Variants in HECW1 observed in about 807,000 individuals in gnomAD.
HECW1 encodes HECT, C2 and WW domain containing E3 ubiquitin protein ligase 1, also known as E3 ubiquitin-protein ligase HECW1.
Under a neutral mutation model 182.3 loss-of-function variants are expected in HECW1, and 61 were observed. The observed-to-expected ratio is 0.33, with a 90% CI of 0.27 to 0.41. HECW1 has a LOEUF of 0.41. Ranked by LOEUF, HECW1 falls within the 10% of genes least tolerant of loss-of-function variation. The pLI is 1.00. For missense variants in HECW1, 1,739 were observed against 2,108.9 expected, an observed-to-expected ratio of 0.82 and a Z score of 3.44; for synonymous variants, 859 against 832.6, an observed-to-expected ratio of 1.03 and a Z score of -0.55.
chr7:43,176,178 A>G (rs1218530178), intron 2 of HECW1, among the ~76,000 whole-genome samples: 2 of 152,218 alleles, frequency 1.3e-5, no homozygotes, highest in African/African-American at 4.8e-5. Flanking sequence ...CCTGGATTCA[A>G]TTCTGGAGTC....
chr7:43,461,014 G>A (rs2077564305), intron 13 of HECW1, among the ~76,000 whole-genome samples: 1 of 152,220 alleles, frequency 6.6e-6, no homozygotes, highest in Admixed American at 6.5e-5. Flanking sequence ...TATTGGGAAG[G>A]AAAGGAGAGG....
chr7:43,288,986 T>G (rs956515139), intron 3 of HECW1, among the ~76,000 whole-genome samples: 2 of 152,240 alleles, frequency 1.3e-5, no homozygotes, highest in Non-Finnish European at 2.9e-5. Flanking sequence ...GGCAGGGCCT[T>G]TTGTCTCTTT....
In HECW1 at chr7:43,552,333, G is replaced by A; in HGVS notation, c.4507G>A (p.Gly1503Arg). The change falls in exon 28 of 30, where the codon GGA becomes AGA. Residue 1503 changes from glycine to arginine, a missense_variant. Gly to Arg is a moderately radical substitution (Grantham distance 125, BLOSUM62 -2). Transcript: ENST00000395891. The stretch of plus-strand genomic sequence containing the variant: ...CTGGCGGAATAACACTGAGTACCGG[G>A]GAGGTGAGTGGGCAGGAGCTGTAAT... ...NDWRNNTEYR[G>R]GYHDGHLVIR... The A allele has an allele frequency of 6.3e-7, 1 of 1,580,390 alleles. No homozygotes were observed.
Position 43,396,870 on chromosome 7 carries a change from G to C in HECW1, c.612G>C (p.Leu204=), listed in dbSNP as rs375753925. 5 of 1,612,560 alleles carry C rather than the reference G, an allele frequency of 3.1e-6. No homozygotes were observed. The African/African-American group carries it at 6.7e-5, about 22-fold the overall frequency. Residue 204 remains leucine (L), a synonymous_variant, in exon 7 of 30, where the codon CTG becomes CTC. Coordinates refer to ENST00000395891, the MANE Select transcript of HECW1 (RefSeq NM_015052.5). ...TCCAAGGACAAGGAAGTCGGAGGCT[G>C]ATCAGCTTCTCTCTCTCAGGTATGT... The part of the protein sequence containing the change: ...ETVQGQGSRR[L]ISFSLSDFQA...
At chr7:43,543,207 C>T (rs1225457410) in intron 26 of HECW1, among the ~76,000 whole-genome samples, 2 of 152,154 alleles carry the variant, frequency 1.3e-5, no homozygotes, top group African/African-American at 4.8e-5. Flanking sequence ...TAAGGTAATT[C>T]GTAACAGCGG....
chr7:43,538,289 C>T (rs1282303254), intron 24 of HECW1, among the ~76,000 whole-genome samples: 1 of 152,164 alleles, frequency 6.6e-6, no homozygotes, highest in Non-Finnish European at 1.5e-5. Context: ...ACTCATGTCC[C>T]TGGAGTTCCT....
In HECW1 at chr7:43,492,170, A is replaced by G. The variant is rs763694427; in HGVS notation, c.3330A>G (p.Ser1110=). The change falls in exon 18 of 30, where the codon TCA becomes TCG. Residue 1110 remains serine (S), a synonymous_variant. Coordinates refer to ENST00000395891, the MANE Select transcript of HECW1 (RefSeq NM_015052.5). ...TTCGAAGCCAACATCAACATGAGTC[A>G]TTGCCACTGGGTATGTATCATGCTT... ...AAIRSQHQHE[S]LPLAYNDKIV... The G allele has an allele frequency of 8.7e-6, 14 of 1,600,374 alleles. No homozygotes were observed. In the South Asian group the frequency reaches 1.6e-4, roughly 18 times the overall value.
intron 24 of HECW1, among the ~76,000 whole-genome samples, chr7:43,538,203 G>C (rs2081246685): frequency 6.6e-6 from 1 of 152,192 alleles, no homozygotes; most frequent in Non-Finnish European, 1.5e-5. Flanking sequence ...TAAACCACAG[G>C]AGGTGTTGGC....
At chr7:43,455,490 A>T (rs1362949460) in intron 12 of HECW1, among the ~76,000 whole-genome samples, 2 of 152,198 alleles carry the variant, frequency 1.3e-5, no homozygotes, top group Non-Finnish European at 2.9e-5. Flanking sequence ...CTCTCCACTG[A>T]ACCTAATCGC....
intron 5 of HECW1, among the ~76,000 whole-genome samples, chr7:43,359,785 TATCTC>T: frequency 6.6e-6 from 1 of 152,342 alleles, no homozygotes; most frequent in East Asian, 1.9e-4. Context: ...TGAGAAAAAA[TATCTC>T]AAATTGGAGA....
intron 2 of HECW1, among the ~76,000 whole-genome samples, chr7:43,194,733 G>T (rs60582473): frequency 6.7e-6 from 1 of 149,362 alleles, no homozygotes; most frequent in South Asian, 2.1e-4. Context: ...TCACTCTGTC[G>T]CCCAGGCTGG....
intron 17 of HECW1, among the ~76,000 whole-genome samples, chr7:43,488,518 AAAAG>A (rs561903773): frequency 1.9e-3 from 289 of 151,764 alleles, no homozygotes; most frequent in Non-Finnish European, 3.6e-3. Flanking sequence ...AAAAGAAAGA[AAAAG>A]AAAGAAAGCC....
intron 8 of HECW1, among the ~76,000 whole-genome samples, chr7:43,416,315 G>C (rs1486447751): frequency 2.0e-5 from 3 of 151,342 alleles, no homozygotes; most frequent in East Asian, 1.9e-4. Flanking sequence ...GCCCCTGCTG[G>C]GGGGTGCCTC....
rs767043806 is a variant in HECW1 at position 43,407,689 on chromosome 7, C to T, written c.759C>T (p.Ser253=). Residue 253 remains serine, a synonymous_variant, in exon 8 of 30, where the codon TCC becomes TCT. Coordinates refer to ENST00000395891, the MANE Select transcript of HECW1 (RefSeq NM_015052.5). ...ALPHHGQERR[S]KIIGNTVNPI... is the part of the protein sequence containing the mutation. ...CTCACCATGGACAGGAGAGGAGATCCAAGATCATAGGCAACACCGTGAACC... is the reference window on the plus strand; with the variant it reads ...CTCACCATGGACAGGAGAGGAGATCTAAGATCATAGGCAACACCGTGAACC... 1.2e-6 allele frequency: 2 copies of T among 1,613,960 alleles called. No homozygotes were observed. The highest frequency in any genetic ancestry group is 1.7e-6 in the Non-Finnish European group (2 of 1,179,954).
chr7:43,251,004 A>G (rs1799967158), intron 3 of HECW1, among the ~76,000 whole-genome samples: 1 of 152,170 alleles, frequency 6.6e-6, no homozygotes, highest in South Asian at 2.1e-4. Context: ...TGCTGGCCCT[A>G]CAATCATTCG....
intron 6 of HECW1, among the ~76,000 whole-genome samples, chr7:43,371,825 T>C (rs1249548647): frequency 6.6e-6 from 1 of 152,146 alleles, no homozygotes; most frequent in African/African-American, 2.4e-5. Context: ...ATGGTGGATT[T>C]TGTTTTGTTT....
intron 2 of HECW1, among the ~76,000 whole-genome samples, chr7:43,150,476 T>G (rs879470370): frequency 3.9e-5 from 6 of 152,150 alleles, no homozygotes; most frequent in Non-Finnish European, 8.8e-5. Flanking sequence ...CTTCCTGGGT[T>G]CAAGTGATTC....
chr7:43,546,393 G>T (rs2081564251), intron 26 of HECW1, among the ~76,000 whole-genome samples: 1 of 151,832 alleles, frequency 6.6e-6, no homozygotes, highest in African/African-American at 2.4e-5. Flanking sequence ...AACATCTTCA[G>T]TGGCATAACT....
At chr7:43,388,744 C>A (rs1224246856) in intron 6 of HECW1, among the ~76,000 whole-genome samples, 1 of 152,078 alleles carries the variant, frequency 6.6e-6, no homozygotes, top group African/African-American at 2.4e-5. Flanking sequence ...TGCCTCAGCC[C>A]CTCGAGTAGC....
Sources: gnomAD v4.1 joint callset for allele counts (sites outside exome capture counted in the v4.1 genomes callset) on GRCh38, gnomAD v4.1.1 for gene constraint, MANE v1.5 for transcripts, NCBI Gene and HGNC (gene_info 2026-07-23, HGNC 2026-07-21) for gene names.